The following RP1 variants were observed in gnomAD, a reference collection of about 807,000 sequenced individuals.
RP1 encodes the protein oxygen-regulated protein 1.
Under a neutral mutation model 14.8 loss-of-function variants are expected in RP1, and 16 were observed. That is an observed-to-expected ratio of 1.08 (90% CI 0.73 to 1.65). RP1 has a LOEUF of 1.65. Ranked by LOEUF, RP1 falls within the 40% of genes most tolerant of loss-of-function variation. The probability of loss-of-function intolerance (pLI) is 0.00; values close to 1 mark genes in which losing one functional copy is unlikely to be tolerated. For missense variants in RP1, 2,631 were observed against 2,535.0 expected (o/e 1.04, Z -0.81); for synonymous variants, 876 against 883.6 (o/e 0.99, Z 0.15).
intron 15 of RP1, among the ~76,000 whole-genome samples, chr8:54,713,501 C>G (rs1263977293): frequency 6.6e-6 from 1 of 152,174 alleles, no homozygotes; most frequent in Admixed American, 6.5e-5. Context: ...TGGCAGGATA[C>G]TTGTCTATGG....
chr8:54,848,481 A>C (rs1435498942), intron 25 of RP1, among the ~76,000 whole-genome samples: 2 of 152,168 alleles, frequency 1.3e-5, no homozygotes, highest in African/African-American at 4.8e-5. Flanking sequence ...TGCAGATAAC[A>C]CAGATGCTAT....
At chr8:54,611,837 C>G (rs1805601201), upstream of RP1, among the ~76,000 whole-genome samples, 1 of 151,882 alleles carries the variant, frequency 6.6e-6, no homozygotes. Flanking sequence ...AATCCTCTCC[C>G]CTCCCCATGG....
At chr8:54,752,031 G>A (rs559609338) in intron 19 of RP1, among the ~76,000 whole-genome samples, 3 of 152,292 alleles carry the variant, frequency 2.0e-5, no homozygotes, top group African/African-American at 7.2e-5. Context: ...TTAATGTAGA[G>A]GAAGAACCTG....
intron 25 of RP1, among the ~76,000 whole-genome samples, chr8:54,843,009 C>A (rs1039485553): frequency 6.6e-6 from 1 of 152,190 alleles, no homozygotes; most frequent in Non-Finnish European, 1.5e-5. Flanking sequence ...AAACTCCACT[C>A]CCCTCCCAAC....
At chr8:54,706,593 T>A (rs1390897636) in exon 15 of RP1, 1 of 1,535,974 alleles carries the variant, frequency 6.5e-7, no homozygotes, top group Non-Finnish European at 8.7e-7. Context: ...GATTTGCATG[T>A]TTGAAAGTGT....
intron 22 of RP1, among the ~76,000 whole-genome samples, chr8:54,761,125 C>A (rs1334120237): frequency 6.6e-6 from 1 of 151,540 alleles, no homozygotes; most frequent in South Asian, 2.1e-4. Context: ...TAGCTGATTT[C>A]TTTTAAATAT....
intron 16 of RP1, among the ~76,000 whole-genome samples, chr8:54,725,229 T>G (rs1486818108): frequency 6.6e-6 from 1 of 152,234 alleles, no homozygotes; most frequent in Non-Finnish European, 1.5e-5. Flanking sequence ...TCTTAAATTT[T>G]TTTCCTCTAC....
At chr8:54,725,677 A>G (rs993582340) in intron 16 of RP1, among the ~76,000 whole-genome samples, 1 of 152,160 alleles carries the variant, frequency 6.6e-6, no homozygotes, top group Non-Finnish European at 1.5e-5. Context: ...GCTGATGAGA[A>G]CTCTAAAGCC....
At chr8:54,705,681 T>C (rs1229278153) in intron 14 of RP1, among the ~76,000 whole-genome samples, 2 of 152,206 alleles carry the variant, frequency 1.3e-5, no homozygotes, top group African/African-American at 4.8e-5. Context: ...CTTCTCTGGG[T>C]AAAGTTAAAT....
At chr8:54,660,111 A>G (rs749745868) in intron 6 of RP1, among the ~76,000 whole-genome samples, 4 of 152,120 alleles carry the variant, frequency 2.6e-5, no homozygotes, top group Non-Finnish European at 5.9e-5. Context: ...TTTTCTACAT[A>G]TATAACCTGC....
At chr8:54,720,631 T>G (rs765438982) in intron 16 of RP1, among the ~76,000 whole-genome samples, 1 of 152,230 alleles carries the variant, frequency 6.6e-6, no homozygotes, top group Non-Finnish European at 1.5e-5. Context: ...CTGAGAGGGA[T>G]GAGGCTGTTA....
intron 21 of RP1, among the ~76,000 whole-genome samples, chr8:54,757,741 T>C (rs1302915162): frequency 1.3e-5 from 2 of 152,186 alleles, no homozygotes; most frequent in South Asian, 4.1e-4. Context: ...TAGAAATGGA[T>C]CCAGAGGTCA....
chr8:54,615,199 C>T (rs1805686544), upstream of RP1, among the ~76,000 whole-genome samples: 1 of 152,186 alleles, frequency 6.6e-6, no homozygotes, highest in South Asian at 2.1e-4. Context: ...CTACTCCTCT[C>T]TCCATTTCTC....
At chr8:54,588,133 T>C (rs889334132) in intron 1 of RP1, among the ~76,000 whole-genome samples, 13 of 152,216 alleles carry the variant, frequency 8.5e-5, no homozygotes, top group African/African-American at 2.2e-4. Flanking sequence ...CTGCAAATTA[T>C]GGTGCATATT....
At chr8:54,656,320 C>A in intron 6 of RP1, 1 of 1,171,798 alleles carries the variant, frequency 8.5e-7, no homozygotes, top group Non-Finnish European at 1.2e-6. Context: ...TGATTAAGGA[C>A]TGCCAGTTTC....
intron 24 of RP1, among the ~76,000 whole-genome samples, chr8:54,827,765 A>G (rs1811418202): frequency 6.6e-6 from 1 of 152,122 alleles, no homozygotes; most frequent in South Asian, 2.1e-4. Context: ...AGGCGTGGTG[A>G]CAGGCGCTTG....
At chr8:54,602,962 A>G (rs1487095077) in intron 1 of RP1, among the ~76,000 whole-genome samples, 1 of 152,166 alleles carries the variant, frequency 6.6e-6, no homozygotes, top group Admixed American at 6.5e-5. Context: ...AGTAGATGGC[A>G]AAAATTTTCT....
At chr8:54,614,187 G>C (rs1805660617), upstream of RP1, among the ~76,000 whole-genome samples, 2 of 152,208 alleles carry the variant, frequency 1.3e-5, no homozygotes, top group South Asian at 2.1e-4. Flanking sequence ...ACTGAGGTCT[G>C]ACTGACTCAG....
chr8:54,622,125 C>T lies in RP1; in HGVS notation c.624C>T (p.Ser208=), dbSNP rs1461326252. ...ACTCTGGTCTCTTTTAGGTTCCCAG[C>T]CTCCAGGCAGTGATCCTGAGCTCTG... The part of the protein sequence containing the change: ...LYATDGRRVP[S]LQAVILSSGA... Residue 208 remains serine (S), a synonymous_variant, in exon 3 of 4, where the codon AGC becomes AGT. Transcript: ENST00000220676. The T allele has an allele frequency of 6.2e-7, 1 of 1,613,992 alleles. No homozygotes were observed.
Sources: allele counts gnomAD v4.1 joint callset (sites outside exome capture counted in the v4.1 genomes callset), GRCh38; gene constraint gnomAD v4.1.1; transcripts MANE v1.5; gene names NCBI Gene and HGNC (gene_info 2026-07-23, HGNC 2026-07-21).